PHACTR2: variants seen among roughly 807,000 people sequenced by gnomAD.
The protein encoded by PHACTR2 is chromosome 6 open reading frame 56.
A neutral mutation model predicts 76.0 loss-of-function variants in PHACTR2; 30 were observed. The ratio of observed to expected loss-of-function variants is 0.39; its 90% CI spans 0.30 to 0.54. The LOEUF is 0.54. PHACTR2 is among the 20% of genes least tolerant of loss of function. The probability of loss-of-function intolerance (pLI) is 0.61; values close to 1 mark genes in which losing one functional copy is unlikely to be tolerated. For synonymous variants in PHACTR2, 292 were observed against 292.5 expected (o/e 1.00, Z 0.02); for missense variants, 696 against 781.1 (o/e 0.89, Z 1.30).
chr6:143,770,925 CTTTT>C (rs72471881), intron 6 of PHACTR2, among the ~76,000 whole-genome samples: 2 of 119,220 alleles, frequency 1.7e-5, no homozygotes, highest in African/African-American at 6.1e-5. Context: ...TTCTTTCTTT[CTTTT>C]TTTTTTTTTT....
At chr6:143,622,455 A>G (rs1382612848) in intron 1 of PHACTR2, among the ~76,000 whole-genome samples, 1 of 152,162 alleles carries the variant, frequency 6.6e-6, no homozygotes, top group Non-Finnish European at 1.5e-5. Flanking sequence ...ATGTTACCTT[A>G]CCGTTGGTTT....
rs1434853174 is a variant in PHACTR2 at position 143,621,077 on chromosome 6, C to T, written c.13+12755C>T. Among the ~76,000 whole-genome samples, 1 of 152,136 alleles carries T rather than the reference C, an allele frequency of 6.6e-6. No individual in the cohort carries two copies. The highest frequency in any genetic ancestry group is 1.5e-5 in the Non-Finnish European group (1 of 68,038). On this transcript the variant is annotated intron_variant, in intron 1 of 11. Transcript: ENST00000305766. This position sits in a 1 kb window ranked among gnomAD's most constrained non-coding sequence, Gnocchi z 4.1. ...GCAGATGGGGGACAGTGCAAACCTC[C>T]AGGAAAAGAACAAGAGCAGGATCAT...
intron 12 of PHACTR2, among the ~76,000 whole-genome samples, chr6:143,812,580 T>C (rs565112664): frequency 6.6e-5 from 10 of 152,328 alleles, no homozygotes; most frequent in Admixed American, 2.0e-4. Context: ...TCCCAGTATT[T>C]TCCAGATGGT....
At chr6:143,673,763 A>G (rs1472994862), upstream of PHACTR2, among the ~76,000 whole-genome samples, 6 of 150,582 alleles carry the variant, frequency 4.0e-5, no homozygotes, top group Non-Finnish European at 8.9e-5. Context: ...AAATCTTCCA[A>G]CTGTGGGGCT....
At position 143,698,993 on chromosome 6, in the gene PHACTR2, G is replaced by A. The variant is rs942510524; in HGVS notation, c.47-13023G>A. 6.6e-6 allele frequency among the ~76,000 whole-genome samples: 1 copy of A among 152,060 alleles called. No individual in the cohort carries two copies. Among genetic ancestry groups the A allele is most frequent in the African/African-American group, 2.4e-5 (1 of 41,360 alleles). ...GTCCTTTACCTCTCCTATCACAGGG[G>A]GCGCTGACATTGCATCAACTCCCCA... On this transcript the variant is annotated intron_variant, in intron 1 of 12. Coordinates refer to ENST00000440869, the MANE Select transcript of PHACTR2 (RefSeq NM_001100164.2). This position sits in a 1 kb window ranked among gnomAD's most constrained non-coding sequence, Gnocchi z 4.3.
At position 143,556,993 on chromosome 6, in the gene PHACTR2, C is replaced by T. The variant is rs1775184468; in HGVS notation, c.217+19786C>T. ...AAAAATGAGGCCAGAAAGAAAGGGC[C>T]TCCCTCCCTAACCCCAGCCTCAGTT... On this transcript the variant is annotated intron_variant, in intron 1 of 11. Transcript: ENST00000367584. The surrounding 1 kb of genome is among the most constrained non-coding windows in gnomAD (Gnocchi z 4.3). Among the ~76,000 whole-genome samples the T allele has an allele frequency of 6.6e-6, 1 of 152,182 alleles. No individual in the cohort carries two copies. The highest frequency in any genetic ancestry group is 2.1e-4 in the South Asian group (1 of 4,826).
At chr6:143,736,554 ATTTTTTTTTTTTTTTTTTT>A (rs776969170) in intron 2 of PHACTR2, among the ~76,000 whole-genome samples, 141 of 57,002 alleles carry the variant, frequency 2.5e-3, no homozygotes, top group African/African-American at 7.9e-3. Flanking sequence ...ACCCTTTACA[ATTTTTTTTTTTTTTTTTTT>A]TTTTTTTTTT....
intron 12 of PHACTR2, among the ~76,000 whole-genome samples, chr6:143,813,348 G>A (rs1400973548): frequency 6.6e-6 from 1 of 152,062 alleles, no homozygotes; most frequent in Non-Finnish European, 1.5e-5. Context: ...AGCCGGGTGC[G>A]GTGGCTCACG....
At chr6:143,650,309 C>A (rs561625456) in intron 1 of PHACTR2, among the ~76,000 whole-genome samples, 2 of 152,010 alleles carry the variant, frequency 1.3e-5, no homozygotes, top group African/African-American at 4.8e-5. Flanking sequence ...AAACTGCCAT[C>A]GACAATCTTC....
intron 2 of PHACTR2, among the ~76,000 whole-genome samples, chr6:143,720,380 G>A (rs890556129): frequency 6.6e-6 from 1 of 152,124 alleles, no homozygotes; most frequent in Non-Finnish European, 1.5e-5. Flanking sequence ...GAATATGGGA[G>A]GGAGGTTACA....
chr6:143,653,347 A>G lies in PHACTR2; in HGVS notation c.13+45025A>G, dbSNP rs1048225890. Among the ~76,000 whole-genome samples the G allele has an allele frequency of 3.9e-5, 6 of 152,038 alleles. No individual in the cohort carries two copies. The highest frequency in any genetic ancestry group is 1.4e-4 in the African/African-American group (6 of 41,382). On this transcript the variant is annotated intron_variant, in intron 1 of 11. Coordinates refer to the PHACTR2 transcript ENST00000305766. The surrounding 1 kb of genome is among the most constrained non-coding windows in gnomAD (Gnocchi z 4.9). ...CAATCTCCAGCTTATTGCCTTTAAT[A>G]CTTCCCTGTTGCTATTGCTAAACCC...
At chr6:143,773,011 G>C (rs1400499874) in intron 7 of PHACTR2, among the ~76,000 whole-genome samples, 1 of 152,086 alleles carries the variant, frequency 6.6e-6, no homozygotes, top group Non-Finnish European at 1.5e-5. Context: ...TCAGGAGTTC[G>C]AGACTAGCCT....
rs551069227 is a variant in PHACTR2, at chr6:143,764,535, A to G, written c.695-726A>G. On this transcript the variant is annotated intron_variant, in intron 5 of 12. Coordinates refer to ENST00000440869, the MANE Select transcript of PHACTR2 (RefSeq NM_001100164.2). The surrounding 1 kb of genome is among the most constrained non-coding windows in gnomAD (Gnocchi z 4.7). ...GACCTTGTCTCAAAAAAAAAAAAAA[A>G]AAGGAGCAACCCATGTAAATAGGTT... Among the ~76,000 whole-genome samples the G allele has an allele frequency of 2.0e-5, 3 of 152,118 alleles. No individual in the cohort carries two copies. The highest frequency in any genetic ancestry group is 4.8e-5 in the African/African-American group (2 of 41,532).
At chr6:143,676,614 T>G (rs1043868032), upstream of PHACTR2, among the ~76,000 whole-genome samples, 2 of 152,194 alleles carry the variant, frequency 1.3e-5, no homozygotes, top group Non-Finnish European at 2.9e-5. The surrounding 1 kb of genome is among the most constrained non-coding windows in gnomAD (Gnocchi z 4.8). Flanking sequence ...AATTGCTTAC[T>G]CTCATCGCTT....
In PHACTR2 at chr6:143,618,196, GC is replaced by G. The variant is rs560405807; in HGVS notation, c.13+9875del. ...GCTGTATCCATGTGACTTACCACAG[GC>G]GCCCTGCTTTTTAGTGATAGAGAAA... On this transcript the variant is annotated intron_variant, in intron 1 of 11. Coordinates refer to the PHACTR2 transcript ENST00000305766. This position sits in a 1 kb window ranked among gnomAD's most constrained non-coding sequence, Gnocchi z 5.2. Among the ~76,000 whole-genome samples, 371 of 151,936 alleles carry G rather than the reference GC, an allele frequency of 2.4e-3. 3 individuals are homozygous for G. Among genetic ancestry groups the G allele is most frequent in the African/African-American group, 8.6e-3 (357 of 41,400 alleles).
rs1778782373 is a variant in PHACTR2 at position 143,734,875 on chromosome 6, C to T, written c.215-14110C>T. ...CACTTTTAAAGGTACTACAGAAGCC[C>T]TTCTGGCCTGGGTCAGAGAATTCAT... On this transcript the variant is annotated intron_variant, in intron 2 of 12. Coordinates refer to ENST00000440869, the MANE Select transcript of PHACTR2 (RefSeq NM_001100164.2). Among the ~76,000 whole-genome samples, 2 of 152,174 alleles carry T rather than the reference C, an allele frequency of 1.3e-5. 1 individual carries two copies. Among genetic ancestry groups the T allele is most frequent in the South Asian group, 4.1e-4 (2 of 4,828 alleles).
intron 2 of PHACTR2, among the ~76,000 whole-genome samples, chr6:143,721,132 G>A (rs946099539): frequency 6.6e-6 from 1 of 152,154 alleles, no homozygotes; most frequent in South Asian, 2.1e-4. Flanking sequence ...GTTTAGAATG[G>A]CGCATATGTT....
Position 143,777,649 on chromosome 6 carries a change from A to G in PHACTR2, c.1645+266A>G, listed in dbSNP as rs894809223. 2.6e-5 allele frequency among the ~76,000 whole-genome samples: 4 copies of G among 152,212 alleles called. No individual in the cohort carries two copies. The highest frequency in any genetic ancestry group is 5.9e-5 in the Non-Finnish European group (4 of 68,038). Reference sequence around the variant, plus strand: ...CAATTGTGTTTAAGAAAGATGAAATATATTCCATGTATTCTTTCACCCAAA... The same window carrying G: ...CAATTGTGTTTAAGAAAGATGAAATGTATTCCATGTATTCTTTCACCCAAA... On this transcript the variant is annotated intron_variant, in intron 9 of 12. Coordinates refer to ENST00000440869, the MANE Select transcript of PHACTR2 (RefSeq NM_001100164.2). The surrounding 1 kb of genome is among the most constrained non-coding windows in gnomAD (Gnocchi z 4.6).
At chr6:143,813,617 CAAAAAAAAAA>C (rs373797909) in intron 12 of PHACTR2, among the ~76,000 whole-genome samples, 1 of 63,150 alleles carries the variant, frequency 1.6e-5, no homozygotes, top group East Asian at 4.7e-4. Flanking sequence ...GACTCCGCCT[CAAAAAAAAAA>C]AAAAAAAAAA....
Sources: gnomAD v4.1 joint callset for allele counts (sites outside exome capture counted in the v4.1 genomes callset) on GRCh38, gnomAD v4.1.1 for gene constraint, Gnocchi (gnomAD v3.1) non-coding constraint, MANE v1.5 for transcripts, NCBI Gene and HGNC (gene_info 2026-07-23, HGNC 2026-07-21) for gene names.